The following CLTCL1 variants were observed in gnomAD, a reference collection of about 807,000 sequenced individuals.
The protein encoded by CLTCL1 is clathrin heavy chain like 1.
In CLTCL1, 159 loss-of-function variants were observed where a neutral mutation model predicts 190.0. The observed-to-expected ratio is 0.84, with a 90% CI of 0.74 to 0.95. The LOEUF (loss-of-function observed/expected upper bound fraction) is 0.95. Among genes scored for constraint, CLTCL1 ranks in the 40% least tolerant of loss-of-function variants. The pLI is 0.00. For missense variants in CLTCL1, 1,878 were observed against 2,033.4 expected, an observed-to-expected ratio of 0.92 and a Z score of 1.47; for synonymous variants, 752 against 769.6, an observed-to-expected ratio of 0.98 and a Z score of 0.38.
chr22:19,228,899 A>G (rs138723294), intron 11 of CLTCL1, among the ~76,000 whole-genome samples: 1 of 152,284 alleles, frequency 6.6e-6, no homozygotes, highest in East Asian at 1.9e-4. Flanking sequence ...GCCCATTAAG[A>G]TGGTGATTAC....
chr22:19,191,085 T>C (rs781841231), intron 27 of CLTCL1, among the ~76,000 whole-genome samples: 11 of 152,176 alleles, frequency 7.2e-5, no homozygotes, highest in Non-Finnish European at 1.2e-4. Context: ...CACAAACGGC[T>C]AATCTTTAAA....
intron 10 of CLTCL1, among the ~76,000 whole-genome samples, chr22:19,231,013 C>T (rs2085903175): frequency 6.6e-6 from 1 of 151,962 alleles, no homozygotes; most frequent in South Asian, 2.1e-4. Flanking sequence ...CCAGGCTCCC[C>T]AGCCTTTGGA....
Position 19,183,443 on chromosome 22 carries a change from C to G in CLTCL1, c.4774G>C (p.Val1592Leu), listed in dbSNP as rs2073738. 1.3e-3 allele frequency: 2,116 copies of G among 1,613,658 alleles called. 21 individuals carry two copies. In the African/African-American group the frequency reaches 0.024, roughly 18 times the overall value. The change falls in exon 30 of 33, where the codon GTG becomes CTG. Residue 1592 changes from valine to leucine, a missense_variant. By Grantham distance (32) the Val-to-Leu change is conservative (BLOSUM62 1). Transcript: ENST00000427926. ...VLELAWRHNL[V>L]DLAMPYFIQV... is the part of the protein sequence containing the mutation. ...ATGAAGTAGGGCATGGCCAAGTCCACGAGGTTGTGCCTCCAGGCCAGCTCA... is the reference window on the plus strand; with the variant it reads ...ATGAAGTAGGGCATGGCCAAGTCCAGGAGGTTGTGCCTCCAGGCCAGCTCA...
intron 22 of CLTCL1, among the ~76,000 whole-genome samples, chr22:19,202,473 TTG>T (rs1569164063): frequency 0.071 from 2,652 of 37,234 alleles, 41 homozygotes; most frequent in East Asian, 0.15. Context: ...CACCCCTCCT[TTG>T]CCATCCACGG....
chr22:19,198,179 G>A lies in CLTCL1; in HGVS notation c.3874-1523C>T, dbSNP rs1379041532. On this transcript the variant is annotated intron_variant, in intron 24 of 32. Transcript: ENST00000427926. The surrounding 1 kb of genome is among the most constrained non-coding windows in gnomAD (Gnocchi z 4.1). ...GCCAAAACCAAATGGAGTTATCCTGGGCTTTTCTCTCTCACTCCACATCAG... is the reference window on the plus strand; with the variant it reads ...GCCAAAACCAAATGGAGTTATCCTGAGCTTTTCTCTCTCACTCCACATCAG... 6.6e-6 allele frequency among the ~76,000 whole-genome samples: 1 copy of A among 152,050 alleles called. No individual in the cohort carries two copies. The highest frequency in any genetic ancestry group is 2.4e-5 in the African/African-American group (1 of 41,378).
rs181661559 is a variant in CLTCL1, at chr22:19,190,141, A to G, written c.4323+1163T>C. Among the ~76,000 whole-genome samples, 351 of 152,172 alleles carry G rather than the reference A, an allele frequency of 2.3e-3. 1 individual carries two copies. Among genetic ancestry groups the G allele is most frequent in the Non-Finnish European group, 4.0e-3 (271 of 68,006 alleles). ...TTTTTAGTAGAGACGGGGTTTCACC[A>G]TGTTGGCCAGGCTAGTCTCGAACTC... On this transcript the variant is annotated intron_variant, in intron 27 of 32. Coordinates refer to ENST00000427926, the MANE Select transcript of CLTCL1 (RefSeq NM_007098.4).
At chr22:19,260,051 C>T (rs1356475769) in intron 2 of CLTCL1, among the ~76,000 whole-genome samples, 1 of 152,148 alleles carries the variant, frequency 6.6e-6, no homozygotes, top group Non-Finnish European at 1.5e-5. Flanking sequence ...TCTAAGCAGC[C>T]AGAACAATCC....
chr22:19,287,350 G>A (rs1248535292), intron 1 of CLTCL1, among the ~76,000 whole-genome samples: 3 of 152,126 alleles, frequency 2.0e-5, no homozygotes, highest in African/African-American at 4.8e-5. Context: ...CAGAGACAGC[G>A]TCATTTCCAC....
intron 1 of CLTCL1, among the ~76,000 whole-genome samples, chr22:19,276,720 A>G (rs1355555310): frequency 6.6e-6 from 1 of 152,090 alleles, no homozygotes; most frequent in East Asian, 1.9e-4. Context: ...CCCAGGCTGG[A>G]GTGCAGTGGT....
intron 2 of CLTCL1, among the ~76,000 whole-genome samples, chr22:19,263,607 GAC>G (rs1367689517): frequency 2.0e-5 from 3 of 152,062 alleles, no homozygotes; most frequent in Non-Finnish European, 4.4e-5. Flanking sequence ...TTTTAGTAGA[GAC>G]AGGGTTTCAC....
intron 22 of CLTCL1, among the ~76,000 whole-genome samples, chr22:19,205,962 C>T (rs1171476069): frequency 6.6e-6 from 1 of 151,234 alleles, no homozygotes; most frequent in Non-Finnish European, 1.5e-5. Flanking sequence ...CTTCTCACTC[C>T]GTCACCCAGG....
intron 21 of CLTCL1, among the ~76,000 whole-genome samples, chr22:19,208,634 G>A (rs1308407013): frequency 1.3e-5 from 2 of 151,764 alleles, no homozygotes; most frequent in African/African-American, 4.8e-5. Flanking sequence ...CCTGGGAATT[G>A]TGGGCCTGTC....
At chr22:19,211,507 G>A (rs1398591356) in intron 19 of CLTCL1, among the ~76,000 whole-genome samples, 1 of 151,960 alleles carries the variant, frequency 6.6e-6, no homozygotes, top group Non-Finnish European at 1.5e-5. Flanking sequence ...GGTGTCTCAC[G>A]CCTGTAATCC....
At chr22:19,202,974 C>T (rs1555940777) in intron 22 of CLTCL1, among the ~76,000 whole-genome samples, 1 of 152,212 alleles carries the variant, frequency 6.6e-6, no homozygotes, top group East Asian at 1.9e-4. Context: ...TGCACTCATC[C>T]ACTCTGACAA....
chr22:19,183,726 T>G, intron 29 of CLTCL1, 115 bp from the exon 30 acceptor site: 1 of 1,014,386 alleles, frequency 9.9e-7, no homozygotes. Flanking sequence ...CTTCCTGCGC[T>G]GTGGAGCAAG....
intron 14 of CLTCL1, 63 bp from the exon 15 acceptor site, chr22:19,222,872 C>T: frequency 6.5e-7 from 1 of 1,549,796 alleles, no homozygotes; most frequent in Non-Finnish European, 8.7e-7. Flanking sequence ...AGACCTCGGA[C>T]TCATTGCACA....
rs982842275 is a variant in CLTCL1, at chr22:19,194,671, G to A, written c.4191+1595C>T. ...GTCCATTGTATGGATGGGATAACGA[G>A]GTTCACAGCGGTGACACCCCTAGCC... On this transcript the variant is annotated intron_variant, in intron 26 of 32. Coordinates refer to ENST00000427926, the MANE Select transcript of CLTCL1 (RefSeq NM_007098.4). Among the ~76,000 whole-genome samples the A allele has an allele frequency of 6.6e-5, 10 of 152,302 alleles. No individual in the cohort carries two copies. In the East Asian group the frequency reaches 1.7e-3, roughly 26 times the overall value.
chr22:19,200,425 C>T (rs551402278), intron 23 of CLTCL1, among the ~76,000 whole-genome samples: 7 of 152,372 alleles, frequency 4.6e-5, no homozygotes, highest in African/African-American at 1.2e-4. Context: ...CACATAAACA[C>T]AGTGGAATTA....
chr22:19,217,521 CAGA>C lies in CLTCL1; in HGVS notation c.2920-1268_2920-1266del, dbSNP rs368190699. On this transcript the variant is annotated intron_variant, in intron 18 of 32. Coordinates refer to ENST00000427926, the MANE Select transcript of CLTCL1 (RefSeq NM_007098.4). ...GTCCCAGCTACTCGGGAGGCTGAGG[CAGA>C]AGAATGGCGGGAACCCGGAAGGCGG... is the stretch of plus-strand genomic sequence containing the variant. Among the ~76,000 whole-genome samples the C allele has an allele frequency of 1.7e-4, 24 of 143,652 alleles. No homozygotes were observed. In the East Asian group the frequency reaches 3.1e-3, roughly 19 times the overall value. The allele number at this position is 143,652 out of a possible 152,430, so 94.2% of individuals were successfully genotyped here.
Sources: gnomAD v4.1 joint callset for allele counts (sites outside exome capture counted in the v4.1 genomes callset) on GRCh38, gnomAD v4.1.1 for gene constraint, Gnocchi (gnomAD v3.1) non-coding constraint, MANE v1.5 for transcripts, NCBI Gene and HGNC (gene_info 2026-07-23, HGNC 2026-07-21) for gene names.